BCAS1: variants seen among roughly 807,000 people sequenced by gnomAD.
BCAS1 encodes the protein breast carcinoma-amplified sequence 1.
In BCAS1, 46 loss-of-function variants were observed where a neutral mutation model predicts 65.4. The ratio of observed to expected loss-of-function variants is 0.70; its 90% CI spans 0.55 to 0.90. The LOEUF is 0.90. BCAS1 is among the 40% of genes least tolerant of loss of function. BCAS1 has a pLI of 0.00. For synonymous variants in BCAS1, 298 were observed against 293.5 expected (o/e 1.02, Z -0.16); for missense variants, 793 against 771.2 (o/e 1.03, Z -0.33).
At chr20:54,059,405 T>C (rs1343244215) in intron 1 of BCAS1, among the ~76,000 whole-genome samples, 1 of 152,220 alleles carries the variant, frequency 6.6e-6, no homozygotes, top group Non-Finnish European at 1.5e-5. Context: ...ATTAGGATTT[T>C]AGAATGAGGG....
intron 3 of BCAS1, among the ~76,000 whole-genome samples, chr20:54,035,108 T>C (rs1381114747): frequency 6.6e-6 from 1 of 151,268 alleles, no homozygotes; most frequent in African/African-American, 2.4e-5. Context: ...CTGGACCCCT[T>C]CCTTACAACA....
chr20:54,053,949 A>C (rs1264482438), intron 3 of BCAS1, among the ~76,000 whole-genome samples: 1 of 152,202 alleles, frequency 6.6e-6, no homozygotes, highest in Non-Finnish European at 1.5e-5. Flanking sequence ...GAGACTGGGT[A>C]ATTTATAAAG....
At chr20:54,039,744 A>G (rs1195018635) in intron 3 of BCAS1, among the ~76,000 whole-genome samples, 1 of 151,318 alleles carries the variant, frequency 6.6e-6, no homozygotes, top group Non-Finnish European at 1.5e-5. Context: ...AACCAAAATA[A>G]TTAATCTCTC....
intron 4 of BCAS1, among the ~76,000 whole-genome samples, chr20:54,004,488 T>C (rs1194955019): frequency 6.6e-6 from 1 of 152,208 alleles, no homozygotes; most frequent in Non-Finnish European, 1.5e-5. Flanking sequence ...CAATATAAAG[T>C]AAACTTTAAA....
chr20:54,005,964 A>C (rs1568868307), intron 4 of BCAS1, among the ~76,000 whole-genome samples: 1 of 152,246 alleles, frequency 6.6e-6, no homozygotes, highest in East Asian at 1.9e-4. Context: ...TTATAACAAT[A>C]ATTTGGAGTC....
chr20:53,966,897 G>C lies in BCAS1; in HGVS notation c.1485+9C>G. On this transcript the variant is annotated intron_variant, in intron 10 of 12. Transcript: ENST00000688948. ...CTTAGGTTTCCTATACTGGAAGTAA[G>C]GGGCTTACCATTTGTCTGAGAAACG... 1 of 1,599,576 alleles carries C rather than the reference G, an allele frequency of 6.3e-7. No homozygotes were observed. Among genetic ancestry groups the C allele is most frequent in the Non-Finnish European group, 8.5e-7 (1 of 1,175,378 alleles).
intron 4 of BCAS1, among the ~76,000 whole-genome samples, chr20:54,005,333 C>CAAAACAAAACAAAACAAAACAAA (rs1160830669): frequency 1.3e-5 from 2 of 152,090 alleles, no homozygotes; most frequent in East Asian, 1.9e-4. Context: ...CAAAACAAAA[C>CAAAACAAAACAAAACAAAACAAA]AGAAATTAGC....
intron 12 of BCAS1, among the ~76,000 whole-genome samples, chr20:53,945,653 C>G (rs1334351726): frequency 2.6e-5 from 4 of 152,106 alleles, no homozygotes; most frequent in African/African-American, 9.7e-5. Flanking sequence ...GTCTTCTACA[C>G]CAGATTGGAA....
intron 12 of BCAS1, among the ~76,000 whole-genome samples, chr20:53,948,203 A>G (rs183299956): frequency 5.5e-4 from 84 of 152,172 alleles, no homozygotes; most frequent in African/African-American, 2.0e-3. Context: ...ACTCACCTCT[A>G]TTAAAGCTTA....
At chr20:54,038,063 T>A (rs1276268887) in intron 3 of BCAS1, among the ~76,000 whole-genome samples, 1 of 151,450 alleles carries the variant, frequency 6.6e-6, no homozygotes, top group Non-Finnish European at 1.5e-5. Context: ...ATCCAAACTC[T>A]CTACTATGGG....
chr20:54,022,464 T>G (rs896629605), intron 4 of BCAS1, among the ~76,000 whole-genome samples: 1 of 152,234 alleles, frequency 6.6e-6, no homozygotes, highest in Admixed American at 6.5e-5. Flanking sequence ...GCATGACTAC[T>G]ACTGATGGCC....
chr20:54,027,839 G>A (rs1310179060), intron 4 of BCAS1, among the ~76,000 whole-genome samples: 1 of 150,380 alleles, frequency 6.6e-6, no homozygotes, highest in African/African-American at 2.4e-5. Context: ...TTTTACAAAG[G>A]TTTATTACTC....
intron 12 of BCAS1, among the ~76,000 whole-genome samples, chr20:53,945,431 C>T (rs6097682): frequency 0.084 from 12,761 of 151,510 alleles, 724 homozygotes; most frequent in African/African-American, 0.16. Context: ...CTTTTAAGTT[C>T]TAGGGTACAT....
chr20:54,039,926 G>A (rs1484549675), intron 3 of BCAS1, among the ~76,000 whole-genome samples: 1 of 151,154 alleles, frequency 6.6e-6, no homozygotes, highest in African/African-American at 2.4e-5. Context: ...ATAGAAATTG[G>A]ATCACATTAG....
chr20:54,064,705 C>G (rs749826200), intron 1 of BCAS1, among the ~76,000 whole-genome samples: 4 of 152,172 alleles, frequency 2.6e-5, no homozygotes, highest in African/African-American at 9.6e-5. Flanking sequence ...GACAGGCATC[C>G]GTAAAATCCC....
At position 54,040,674 on chromosome 20, in the gene BCAS1, T is replaced by G. The variant is rs943463087; in HGVS notation, c.143-11702A>C. On this transcript the variant is annotated intron_variant, in intron 3 of 12. Coordinates refer to ENST00000688948, the MANE Select transcript of BCAS1 (RefSeq NM_001366298.2). ...TTCACACCCACGAGGATGGCCATAA[T>G]CAGAGAGACAATAACCAGTGGTAGG... Among the ~76,000 whole-genome samples, 9 of 151,076 alleles carry G rather than the reference T, an allele frequency of 6.0e-5. 1 individual carries two copies. Among genetic ancestry groups the G allele is most frequent in the African/African-American group, 2.2e-4 (9 of 41,258 alleles).
intron 4 of BCAS1, among the ~76,000 whole-genome samples, chr20:54,007,172 G>T (rs2145928957): frequency 6.6e-6 from 1 of 152,328 alleles, no homozygotes; most frequent in South Asian, 2.1e-4. Context: ...AAGGGGCTAT[G>T]TCTAGGTTGC....
At chr20:54,059,665 G>A (rs779072843) in intron 1 of BCAS1, among the ~76,000 whole-genome samples, 15 of 152,092 alleles carry the variant, frequency 9.9e-5, no homozygotes, top group South Asian at 2.1e-4. Flanking sequence ...AGATAGTATA[G>A]CCTACTACAC....
chr20:54,007,304 A>C (rs1341923700), intron 4 of BCAS1, among the ~76,000 whole-genome samples: 1 of 152,238 alleles, frequency 6.6e-6, no homozygotes, highest in Non-Finnish European at 1.5e-5. Context: ...AATGGAATAC[A>C]GTGATGTCAG....
Sources: gnomAD v4.1 joint callset for allele counts (sites outside exome capture counted in the v4.1 genomes callset) on GRCh38, gnomAD v4.1.1 for gene constraint, MANE v1.5 for transcripts, NCBI Gene and HGNC (gene_info 2026-07-23, HGNC 2026-07-21) for gene names.